The following DGKD variants were observed in gnomAD, a reference collection of about 807,000 sequenced individuals.
DGKD encodes the protein diacylglycerol kinase delta.
A neutral mutation model predicts 154.4 loss-of-function variants in DGKD; 68 were observed. The ratio of observed to expected loss-of-function variants is 0.44; its 90% CI spans 0.36 to 0.54. The LOEUF (loss-of-function observed/expected upper bound fraction) is 0.54. DGKD is among the 20% of genes least tolerant of loss of function. The probability of loss-of-function intolerance (pLI) is 0.00; values close to 1 mark genes in which losing one functional copy is unlikely to be tolerated. For synonymous variants in DGKD, 693 were observed against 638.0 expected (o/e 1.09, Z -1.30); for missense variants, 1,343 against 1,593.6 (o/e 0.84, Z 2.68).
chr2:233,454,849 G>A lies in DGKD; in HGVS notation c.2351G>A (p.Arg784His), dbSNP rs1243657968. 2 of 1,613,714 alleles carry A rather than the reference G, an allele frequency of 1.2e-6. No homozygotes were observed. The highest frequency in any genetic ancestry group is 1.1e-5 in the South Asian group (1 of 91,066). Residue 784 changes from arginine (R) to histidine (H), a missense_variant, in exon 19 of 30, where the codon CGC becomes CAC. Physicochemically the swap from Arg to His is conservative, Grantham distance 29. Transcript: ENST00000264057. ...AKISLDFNNK[R>H]DEHPEKCRSR... is the part of the protein sequence containing the mutation. ...ATATCCCTGGACTTTAACAACAAGC[G>A]CGATGAGCACCCAGAGAAGTGCAGG...
At chr2:233,391,177 G>A (rs971684272) in intron 3 of DGKD, among the ~76,000 whole-genome samples, 7 of 152,042 alleles carry the variant, frequency 4.6e-5, no homozygotes, top group Middle Eastern at 3.4e-3. Context: ...ATATTTTGGT[G>A]TATTTCTTTT....
chr2:233,457,714 A>G lies in DGKD; in HGVS notation c.2580+386A>G. The G allele has an allele frequency of 2.5e-6, 1 of 397,104 alleles. No individual in the cohort carries two copies. Among genetic ancestry groups the G allele is most frequent in the South Asian group, 1.9e-5 (1 of 52,958 alleles). The allele number at this position is 397,104 out of a possible 1,614,324, so 24.6% of individuals were successfully genotyped here. Reference sequence around the variant, plus strand: ...ATTGCACAGATGAAGGCTCAGAGTCAAGACAGGGCAGGCACATGGAGGATG... The same window carrying G: ...ATTGCACAGATGAAGGCTCAGAGTCGAGACAGGGCAGGCACATGGAGGATG... On this transcript the variant is annotated intron_variant, in intron 21 of 29. Transcript: ENST00000264057. The surrounding 1 kb of genome is among the most constrained non-coding windows in gnomAD (Gnocchi z 5.5).
At chr2:233,462,207 A>G in intron 24 of DGKD, 141 bp from the exon 25 acceptor site, 1 of 621,412 alleles carries the variant, frequency 1.6e-6, no homozygotes, top group South Asian at 2.2e-5. Context: ...CGCTGGGCTG[A>G]GCCACGATCC....
intron 1 of DGKD, among the ~76,000 whole-genome samples, chr2:233,380,526 G>A (rs1702834155): frequency 6.6e-6 from 1 of 152,162 alleles, no homozygotes; most frequent in Admixed American, 6.5e-5. Context: ...CCAAGCACTT[G>A]CCTACCTCCC....
At chr2:233,416,135 A>G (rs572389662) in intron 3 of DGKD, among the ~76,000 whole-genome samples, 1 of 152,308 alleles carries the variant, frequency 6.6e-6, no homozygotes, top group South Asian at 2.1e-4. Flanking sequence ...ATTGTGGTAG[A>G]ATACTGTTTT....
intron 1 of DGKD, among the ~76,000 whole-genome samples, chr2:233,355,699 C>A (rs1255422922): frequency 6.6e-6 from 1 of 152,202 alleles, no homozygotes; most frequent in Non-Finnish European, 1.5e-5. Flanking sequence ...CAAATAGGTA[C>A]CGAACACCTG....
At chr2:233,433,126 G>C (rs964492286) in intron 3 of DGKD, among the ~76,000 whole-genome samples, 2 of 152,232 alleles carry the variant, frequency 1.3e-5, no homozygotes, top group African/African-American at 4.8e-5. Flanking sequence ...GTGTATCGAA[G>C]AGATGTCTGC....
rs761907831 is a variant in DGKD at position 233,460,286 on chromosome 2, C to T, written c.2922C>T (p.Ser974=). The T allele has an allele frequency of 1.3e-5, 21 of 1,613,982 alleles. No individual in the cohort carries two copies. In the South Asian group the frequency reaches 1.9e-4, roughly 14 times the overall value. The stretch of plus-strand genomic sequence containing the variant: ...GTTCCCTGCACCCGGAGATGCTGTC[C>T]GAGGAGGAGGCCACCCAGATGGACC... ...PSCSLHPEML[S]EEEATQMDQF... Residue 974 remains serine (S), a synonymous_variant, in exon 24 of 30, where the codon TCC becomes TCT. Transcript: ENST00000264057.
intron 27 of DGKD, 53 bp downstream of exon 27, chr2:233,464,336 C>G (rs1346091121): frequency 1.2e-6 from 2 of 1,601,484 alleles, no homozygotes; most frequent in East Asian, 4.5e-5. Context: ...TGGCTCTCGC[C>G]TGAAGTGCCT....
intron 27 of DGKD, among the ~76,000 whole-genome samples, chr2:233,466,858 T>C (rs2063838331): frequency 6.6e-6 from 1 of 152,226 alleles, no homozygotes; most frequent in Admixed American, 6.5e-5. Context: ...AAGTAGAATA[T>C]GATAAAAATA....
chr2:233,355,879 A>G (rs1236938660), intron 1 of DGKD, among the ~76,000 whole-genome samples: 1 of 152,226 alleles, frequency 6.6e-6, no homozygotes, highest in East Asian at 1.9e-4. Flanking sequence ...GGATGCTATC[A>G]TCTCCGTCTT....
chr2:233,407,814 G>A (rs948124627), intron 3 of DGKD, among the ~76,000 whole-genome samples: 5 of 152,144 alleles, frequency 3.3e-5, no homozygotes, highest in Non-Finnish European at 7.4e-5. Context: ...TTTGTTGGGT[G>A]AATGAAAGTT....
In DGKD at chr2:233,450,138, G is replaced by C. The variant is rs762394769; in HGVS notation, c.2038+7G>C. Reference sequence around the variant, plus strand: ...GGGAGGAGCCAGCGCAAAGGTACTTGTGCCTCCACCTCCCTCTGCGCACCG... The same window carrying C: ...GGGAGGAGCCAGCGCAAAGGTACTTCTGCCTCCACCTCCCTCTGCGCACCG... On this transcript the variant is annotated splice_region_variant and intron_variant, in intron 16 of 29. Transcript: ENST00000264057. 2 of 1,604,252 alleles carry C rather than the reference G, an allele frequency of 1.2e-6. No homozygotes were observed. The highest frequency in any genetic ancestry group is 2.2e-5 in the East Asian group (1 of 44,614).
intron 27 of DGKD, among the ~76,000 whole-genome samples, chr2:233,464,758 A>C (rs1411701978): frequency 6.6e-6 from 1 of 152,240 alleles, no homozygotes; most frequent in Admixed American, 6.5e-5. Flanking sequence ...GACGCAGGGC[A>C]TAGCGGACCC....
chr2:233,394,433 A>G (rs1364036434), intron 3 of DGKD, among the ~76,000 whole-genome samples: 1 of 151,896 alleles, frequency 6.6e-6, no homozygotes, highest in East Asian at 1.9e-4. Flanking sequence ...TTGTAGAAGC[A>G]AGGTCTCGCT....
At chr2:233,391,927 T>A (rs1300553819) in intron 3 of DGKD, 1 of 152,232 alleles carries the variant, frequency 6.6e-6, no homozygotes, top group Non-Finnish European at 1.5e-5. Flanking sequence ...GAGACATTTT[T>A]AACCACATAA....
chr2:233,468,086 C>G (rs2063883642), intron 28 of DGKD, among the ~76,000 whole-genome samples: 1 of 152,000 alleles, frequency 6.6e-6, no homozygotes, highest in Non-Finnish European at 1.5e-5. Flanking sequence ...GGAACAGATG[C>G]CAGCTCTGCT....
chr2:233,393,222 T>G (rs1261457055), intron 3 of DGKD, among the ~76,000 whole-genome samples: 1 of 152,016 alleles, frequency 6.6e-6, no homozygotes, highest in Non-Finnish European at 1.5e-5. Flanking sequence ...GAGACGGGGT[T>G]TCGCCATGTT....
rs146426989 is a variant in DGKD at position 233,460,204 on chromosome 2, G to A, written c.2840G>A (p.Ser947Asn). The A allele has an allele frequency of 6.2e-7, 1 of 1,613,866 alleles. No individual in the cohort carries two copies. Among genetic ancestry groups the A allele is most frequent in the African/African-American group, 1.3e-5 (1 of 74,976 alleles). ...QTLTRDRAFE[S>N]TLKSWEDKQK... is the part of the protein sequence containing the mutation. ...CTTTCGGGTCCATAGGCATTTGAGA[G>A]CACCCTGAAGTCCTGGGAAGACAAG... The change falls in exon 24 of 30, where the codon AGC becomes AAC. Residue 947 changes from serine to asparagine, a missense_variant. Transcript: ENST00000264057.
Sources: gnomAD v4.1 joint callset for allele counts (sites outside exome capture counted in the v4.1 genomes callset) on GRCh38, gnomAD v4.1.1 for gene constraint, Gnocchi (gnomAD v3.1) non-coding constraint, MANE v1.5 for transcripts, NCBI Gene and HGNC (gene_info 2026-07-23, HGNC 2026-07-21) for gene names.